Variants in CNOT2 observed in about 807,000 individuals in gnomAD.
CNOT2 encodes CC chemokine receptor 4-negative regulator of transcription 2.
CNOT2 carries 7 observed loss-of-function variants against 72.1 expected under a neutral mutation model. That is an observed-to-expected ratio of 0.10 (90% CI 0.06 to 0.18). The LOEUF is 0.18. Ranked by LOEUF, CNOT2 falls within the 10% of genes least tolerant of loss-of-function variation. The probability of loss-of-function intolerance (pLI) is 1.00; values close to 1 mark genes in which losing one functional copy is unlikely to be tolerated. For missense variants in CNOT2, 345 were observed against 660.3 expected, an observed-to-expected ratio of 0.52 and a Z score of 5.23; for synonymous variants, 196 against 225.6, an observed-to-expected ratio of 0.87 and a Z score of 1.17.
intron 1 of CNOT2, among the ~76,000 whole-genome samples, chr12:70,266,783 C>A (rs1171061652): frequency 6.6e-6 from 1 of 151,726 alleles, no homozygotes; most frequent in Non-Finnish European, 1.5e-5. Flanking sequence ...TCTTTGTTTA[C>A]TTTTTGCATG....
chr12:70,262,496 C>T (rs1228642350), intron 1 of CNOT2, among the ~76,000 whole-genome samples: 2 of 152,106 alleles, frequency 1.3e-5, no homozygotes, highest in Admixed American at 6.5e-5. Flanking sequence ...ACGATGGTCT[C>T]GATCTCCTGA....
intron 3 of CNOT2, among the ~76,000 whole-genome samples, chr12:70,313,142 TACAC>T (rs1221325104): frequency 6.6e-6 from 1 of 152,090 alleles, no homozygotes; most frequent in Middle Eastern, 3.4e-3. Flanking sequence ...TCATTAATTT[TACAC>T]ACACACAGTG....
At chr12:70,246,771 A>G (rs534276333) in intron 1 of CNOT2, among the ~76,000 whole-genome samples, 9 of 152,242 alleles carry the variant, frequency 5.9e-5, no homozygotes, top group African/African-American at 2.2e-4. Context: ...TTCAACTCTT[A>G]TGACTAATCA....
chr12:70,340,229 C>T (rs1881308934), intron 11 of CNOT2, among the ~76,000 whole-genome samples: 1 of 152,102 alleles, frequency 6.6e-6, no homozygotes, highest in Non-Finnish European at 1.5e-5. Context: ...ATTCAGTGGT[C>T]ACTTGGAGGA....
chr12:70,247,200 C>T (rs1046603850), intron 1 of CNOT2, among the ~76,000 whole-genome samples: 2 of 150,638 alleles, frequency 1.3e-5, no homozygotes, highest in African/African-American at 2.4e-5. Context: ...AAGTTTTGCT[C>T]GTCGCTGAGG....
At chr12:70,245,118 G>A (rs1957815467) in intron 1 of CNOT2, among the ~76,000 whole-genome samples, 1 of 152,302 alleles carries the variant, frequency 6.6e-6, no homozygotes, top group African/African-American at 2.4e-5. Context: ...ATAGTTGGCT[G>A]AAATGGTTAA....
At chr12:70,335,675 C>T (rs370680853) in intron 8 of CNOT2, 112 bp downstream of exon 8, 15 of 728,660 alleles carry the variant, frequency 2.1e-5, no homozygotes, top group South Asian at 1.4e-4. Context: ...TGTATGTTTG[C>T]ATTTTCTAAT....
intron 2 of CNOT2, chr12:70,285,498 GA>G (rs962244684): frequency 3.3e-5 from 5 of 152,122 alleles, no homozygotes; most frequent in Non-Finnish European, 5.9e-5. Flanking sequence ...TTACAGGCGT[GA>G]GCCACCGCAC....
At chr12:70,304,614 G>T (rs1445120617) in intron 2 of CNOT2, among the ~76,000 whole-genome samples, 8 of 152,060 alleles carry the variant, frequency 5.3e-5, no homozygotes. Flanking sequence ...GCCCCTACTG[G>T]GGGGTCAGGG....
At chr12:70,339,547 C>G (rs1012677041) in intron 11 of CNOT2, among the ~76,000 whole-genome samples, 1 of 152,238 alleles carries the variant, frequency 6.6e-6, no homozygotes. Flanking sequence ...CTGCCTATTT[C>G]ATTCCTGACC....
At chr12:70,313,969 A>G (rs1291921238) in intron 3 of CNOT2, among the ~76,000 whole-genome samples, 1 of 152,190 alleles carries the variant, frequency 6.6e-6, no homozygotes, top group Non-Finnish European at 1.5e-5. Flanking sequence ...GAATTGCCAT[A>G]GCTTTGTAGA....
chr12:70,300,786 A>C (rs1347122496), intron 2 of CNOT2, among the ~76,000 whole-genome samples: 1 of 152,200 alleles, frequency 6.6e-6, no homozygotes, highest in Non-Finnish European at 1.5e-5. Context: ...TGGGGATGGC[A>C]TTGAATCTAT....
At chr12:70,246,940 A>G (rs1004407131) in intron 1 of CNOT2, among the ~76,000 whole-genome samples, 5 of 152,198 alleles carry the variant, frequency 3.3e-5, no homozygotes, top group African/African-American at 9.6e-5. Flanking sequence ...GCTGCATTAT[A>G]AAGTAATAAA....
intron 1 of CNOT2, among the ~76,000 whole-genome samples, chr12:70,262,086 GTTTTC>G: frequency 6.6e-6 from 1 of 151,398 alleles, no homozygotes; most frequent in East Asian, 1.9e-4. Flanking sequence ...AGTACTTTGA[GTTTTC>G]TTTTTTTTTC....
At chr12:70,305,218 G>T (rs1875043263) in intron 2 of CNOT2, among the ~76,000 whole-genome samples, 1 of 152,206 alleles carries the variant, frequency 6.6e-6, no homozygotes, top group African/African-American at 2.4e-5. Flanking sequence ...GATGAACCCG[G>T]TACCTCAGTT....
At chr12:70,268,627 A>T (rs573876449) in intron 1 of CNOT2, among the ~76,000 whole-genome samples, 46 of 146,352 alleles carry the variant, frequency 3.1e-4, no homozygotes, top group Middle Eastern at 3.5e-3. Context: ...TTTAAAAAAA[A>T]TTTTTTTTTT....
At chr12:70,289,320 T>C (rs1259636454) in intron 2 of CNOT2, among the ~76,000 whole-genome samples, 1 of 152,140 alleles carries the variant, frequency 6.6e-6, no homozygotes, top group African/African-American at 2.4e-5. Flanking sequence ...GCTGTCATTC[T>C]TATGTTTAGT....
At position 70,278,083 on chromosome 12, in the gene CNOT2, ATATTT is replaced by A. The variant is rs1869165451; in HGVS notation, c.-95-48_-95-44del. The A allele has an allele frequency of 2.4e-5, 13 of 546,898 alleles. No individual in the cohort carries two copies. In the South Asian group the frequency reaches 3.8e-4, roughly 16 times the overall value. 33.9% of individuals were successfully genotyped at this position (546,898 alleles called of 1,614,324 possible). Reference sequence around the variant, plus strand: ...ATTGAATATTTTTGCTGCTGTTGATATATTTACATGTTAGTAATTTTGATGGCTTT... The same window carrying A: ...ATTGAATATTTTTGCTGCTGTTGATAACATGTTAGTAATTTTGATGGCTTT... On this transcript the variant is annotated intron_variant, in intron 1 of 15. Coordinates refer to ENST00000229195, the MANE Select transcript of CNOT2 (RefSeq NM_014515.7).
Position 70,330,448 on chromosome 12 carries a change from G to A in CNOT2, c.548G>A (p.Arg183Gln), listed in dbSNP as rs149494869. The change falls in exon 6 of 16, where the codon CGA becomes CAA. Residue 183 changes from arginine (R) to glutamine (Q), a missense_variant. This residue lies in a region of CNOT2 where 157 missense variants were observed against 235.3 expected (regional missense o/e 0.67). Transcript: ENST00000229195. ...TGTATGCCAAAGCAGCAGCCTTCTC[G>A]ACAGCCTTTTACTGTGAACAGGTAA... Reference protein sequence around the residue: ...IICMPKQQPSRQPFTVNSMSG... With the variant: ...IICMPKQQPSQQPFTVNSMSG... The A allele has an allele frequency of 5.6e-6, 9 of 1,612,054 alleles. No individual in the cohort carries two copies. Among genetic ancestry groups the A allele is most frequent in the Non-Finnish European group, 7.6e-6 (9 of 1,178,732 alleles).
Sources: gnomAD v4.1 joint callset for allele counts (sites outside exome capture counted in the v4.1 genomes callset) on GRCh38, gnomAD v4.1.1 for gene constraint, gnomAD v4.1.1 regional missense constraint, MANE v1.5 for transcripts, NCBI Gene and HGNC (gene_info 2026-07-23, HGNC 2026-07-21) for gene names.